Variants in POPDC3 observed in about 807,000 individuals in gnomAD.
POPDC3 encodes the protein popeye domain cAMP effector 3.
Under a neutral mutation model 28.2 loss-of-function variants are expected in POPDC3, and 20 were observed. The ratio of observed to expected loss-of-function variants is 0.71; its 90% CI spans 0.50 to 1.03. The LOEUF is 1.03. Ranked by LOEUF, POPDC3 falls within the 50% of genes least tolerant of loss-of-function variation. The pLI is 0.00. For synonymous variants in POPDC3, 118 were observed against 124.1 expected (o/e 0.95, Z 0.33); for missense variants, 316 against 345.9 (o/e 0.91, Z 0.69).
chr6:105,166,415 C>T (rs1582993135), intron 1 of POPDC3: 1 of 287,196 alleles, frequency 3.5e-6, no homozygotes, highest in Non-Finnish European at 6.6e-6. Flanking sequence ...GATGTTCAAC[C>T]AGGGTTAAGA....
intron 1 of POPDC3, chr6:105,163,800 A>C (rs1187219368): frequency 6.6e-6 from 1 of 152,188 alleles, no homozygotes; most frequent in Non-Finnish European, 1.5e-5. Flanking sequence ...AGAAAAAAAA[A>C]GCTTAGACTT....
At chr6:105,167,539 G>C (rs1392349715) in intron 1 of POPDC3, among the ~76,000 whole-genome samples, 1 of 152,080 alleles carries the variant, frequency 6.6e-6, no homozygotes, top group African/African-American at 2.4e-5. Context: ...TTGAGGCCAG[G>C]AGTTCAAGAC....
rs1774227689 is a variant in POPDC3, at chr6:105,158,347, C to T, written c.*123G>A. ...AAAGGAATAAAACAGTTGGCAATGG[C>T]ATCTCGCTTCTGAATTTGATTTATA... On this transcript the variant is annotated 3_prime_UTR_variant, in exon 4 of 4. Transcript: ENST00000254765. 2 of 759,636 alleles carry T rather than the reference C, an allele frequency of 2.6e-6. No homozygotes were observed. The highest frequency in any genetic ancestry group is 4.1e-6 in the Non-Finnish European group (2 of 491,264). 47.1% of individuals were successfully genotyped at this position (759,636 alleles called of 1,614,324 possible). A position where few individuals can be genotyped will look rare whatever the true frequency, so the allele number is the denominator to read the frequency against.
chr6:105,166,059 T>G (rs1774449676), intron 1 of POPDC3, among the ~76,000 whole-genome samples: 1 of 152,246 alleles, frequency 6.6e-6, no homozygotes, highest in Admixed American at 6.5e-5. Context: ...AATGTCACAT[T>G]GCTTATAATG....
chr6:105,158,542 C>T lies in POPDC3; in HGVS notation c.804G>A (p.Met268Ile). ...YDIRLPNFYQ[M>I]STPEIRRSPL... ...GTGATCTGCGTATTTCTGGAGTTGA[C>T]ATTTGATAGAAGTTGGGTAGCCGAA... The change falls in exon 4 of 4, where the codon ATG becomes ATA. Residue 268 changes from methionine (M) to isoleucine (I), a missense_variant. Transcript: ENST00000254765. The T allele has an allele frequency of 1.2e-6, 2 of 1,613,984 alleles. No individual in the cohort carries two copies. The highest frequency in any genetic ancestry group is 1.7e-6 in the Non-Finnish European group (2 of 1,179,950).
chr6:105,160,545 A>G (rs997417601), intron 2 of POPDC3, among the ~76,000 whole-genome samples: 1 of 151,776 alleles, frequency 6.6e-6, no homozygotes. Flanking sequence ...TTTGAAAACC[A>G]TGAGTAATCC....
chr6:105,174,572 A>T (rs996609479), intron 1 of POPDC3, among the ~76,000 whole-genome samples: 1 of 152,206 alleles, frequency 6.6e-6, no homozygotes, highest in African/African-American at 2.4e-5. Context: ...TATGACGATG[A>T]TGTGTTTACT....
At chr6:105,176,960 C>G (rs1478679628) in intron 1 of POPDC3, 1 of 177,500 alleles carries the variant, frequency 5.6e-6, no homozygotes, top group African/African-American at 2.4e-5. Flanking sequence ...CTATTTTTAC[C>G]TTTTTAAAAA....
chr6:105,170,080 G>A (rs1214209437), intron 1 of POPDC3: 1 of 152,180 alleles, frequency 6.6e-6, no homozygotes, highest in Non-Finnish European at 1.5e-5. Context: ...CCCTATAGTT[G>A]TGAAAATCCT....
Position 105,158,566 on chromosome 6 carries a change from A to G in POPDC3, c.780T>C (p.Ile260=). The G allele has an allele frequency of 6.2e-7, 1 of 1,614,150 alleles. No homozygotes were observed. Among genetic ancestry groups the G allele is most frequent in the Non-Finnish European group, 8.5e-7 (1 of 1,179,976 alleles). ...VYIGKRYHYD[I]RLPNFYQMST... is the part of the protein sequence containing the mutation. ...ACATTTGATAGAAGTTGGGTAGCCG[A>G]ATATCATAGTGATATCTTTTTCCTA... Residue 260 remains isoleucine, a synonymous_variant, in exon 4 of 4, where the codon ATT becomes ATC. Transcript: ENST00000254765.
intron 1 of POPDC3, among the ~76,000 whole-genome samples, chr6:105,167,868 G>T (rs559532121): frequency 2.6e-5 from 4 of 152,150 alleles, no homozygotes; most frequent in Non-Finnish European, 5.9e-5. Flanking sequence ...GCCTTCACTG[G>T]TTCTTACTTT....
chr6:105,162,051 T>C lies in POPDC3; in HGVS notation c.-142A>G. The C allele has an allele frequency of 6.7e-7, 1 of 1,481,898 alleles. No individual in the cohort carries two copies. Among genetic ancestry groups the C allele is most frequent in the East Asian group, 2.3e-5 (1 of 43,452 alleles). The allele number at this position is 1,481,898 out of a possible 1,614,324, so 91.8% of individuals were successfully genotyped here. A position where few individuals can be genotyped will look rare whatever the true frequency, so the allele number is the denominator to read the frequency against. On this transcript the variant is annotated 5_prime_UTR_variant, in exon 2 of 4. An upstream open reading frame in the 5' UTR loses its in-frame stop. Coordinates refer to ENST00000254765, the MANE Select transcript of POPDC3 (RefSeq NM_022361.5). ...AAACGGACACTGGAGTTGATGCTGA[T>C]TAAAGGCTTCGTGTGTACGGATCTT...
At position 105,161,894 on chromosome 6, in the gene POPDC3, T is replaced by C; in HGVS notation, c.16A>G (p.Ser6Gly). Reference protein sequence around the residue: MERNSSLWKNLIDEHP... With the variant: MERNSGLWKNLIDEHP... ...TCATCTATTAGGTTCTTCCATAAAC[T>C]TGAATTTCTTTCCATGGCTGTATTA... is the stretch of plus-strand genomic sequence containing the variant. The change falls in exon 2 of 4, where the codon AGT becomes GGT. Residue 6 changes from serine (S) to glycine (G), a missense_variant. Ser to Gly is a moderately conservative substitution (Grantham distance 56, BLOSUM62 0). Transcript: ENST00000254765. The C allele has an allele frequency of 3.8e-6, 6 of 1,599,782 alleles. No individual in the cohort carries two copies. The highest frequency in any genetic ancestry group is 5.1e-6 in the Non-Finnish European group (6 of 1,174,248).
Position 105,162,143 on chromosome 6 carries a change from C to A in POPDC3, c.-234G>T. On this transcript the variant is annotated 5_prime_UTR_variant, in exon 2 of 4. Coordinates refer to ENST00000254765, the MANE Select transcript of POPDC3 (RefSeq NM_022361.5). Reference sequence around the variant, plus strand: ...GGGCTCCTGATTTGGATCCAGTCTGCAAATATTTTGGTATTTCCTATGCAA... The same window carrying A: ...GGGCTCCTGATTTGGATCCAGTCTGAAAATATTTTGGTATTTCCTATGCAA... 7.9e-7 allele frequency: 1 copy of A among 1,261,102 alleles called. No individual in the cohort carries two copies. The allele number at this position is 1,261,102 out of a possible 1,614,324, so 78.1% of individuals were successfully genotyped here.
rs1027283719 is a variant in POPDC3, at chr6:105,178,738, G to C, written c.-252+1095C>G. The stretch of plus-strand genomic sequence containing the variant: ...TTCTGTCTCATGTAGTTCTTGTTTG[G>C]TTTTCTATTGTCACAAAGAACAATG... On this transcript the variant is annotated intron_variant, in intron 1 of 3. Transcript: ENST00000254765. 8.1e-6 allele frequency: 8 copies of C among 984,988 alleles called. No individual in the cohort carries two copies. In the East Asian group the frequency reaches 7.9e-4, roughly 98 times the overall value. The allele number at this position is 984,988 out of a possible 1,614,324, so 61.0% of individuals were successfully genotyped here. A position where few individuals can be genotyped will look rare whatever the true frequency, so the allele number is the denominator to read the frequency against.
At chr6:105,163,951 T>C (rs570217701) in intron 1 of POPDC3, among the ~76,000 whole-genome samples, 1 of 152,336 alleles carries the variant, frequency 6.6e-6, no homozygotes, top group African/African-American at 2.4e-5. Flanking sequence ...CCTGAACATG[T>C]TCAATTTCTC....
chr6:105,170,557 G>A (rs1033968255), intron 1 of POPDC3, among the ~76,000 whole-genome samples: 1 of 152,164 alleles, frequency 6.6e-6, no homozygotes, highest in African/African-American at 2.4e-5. Context: ...AGTCACATTA[G>A]GACTCTTTTA....
At chr6:105,174,113 C>T (rs986493539) in intron 1 of POPDC3, among the ~76,000 whole-genome samples, 2 of 152,218 alleles carry the variant, frequency 1.3e-5, no homozygotes, top group African/African-American at 2.4e-5. Flanking sequence ...ACAATCTTGG[C>T]TCACTGCAAC....
rs767950730 is a variant in POPDC3 at position 105,158,746 on chromosome 6, G to C, written c.600C>G (p.Thr200=). 6.2e-6 allele frequency: 10 copies of C among 1,602,538 alleles called. No individual in the cohort carries two copies. The African/African-American group carries it at 1.1e-4, about 17-fold the overall frequency. Residue 200 remains threonine, a synonymous_variant, in exon 4 of 4, where the codon ACC becomes ACG. Transcript: ENST00000254765. ...ATCGACAATCAGTTTCTGCAGTGAG[G>C]GTTACCTAAAAAACACAAGACCACA... The part of the protein sequence containing the change: ...RPTEEGIFQV[T]LTAETDCRYV...
Sources: allele counts gnomAD v4.1 joint callset (sites outside exome capture counted in the v4.1 genomes callset), GRCh38; gene constraint gnomAD v4.1.1; transcripts MANE v1.5; gene names NCBI Gene and HGNC (gene_info 2026-07-23, HGNC 2026-07-21).